The following PCID2 variants were observed in gnomAD, a reference collection of about 807,000 sequenced individuals.
PCID2 encodes PCI domain containing 2.
PCID2 carries 41 observed loss-of-function variants against 61.3 expected under a neutral mutation model. The ratio of observed to expected loss-of-function variants is 0.67; its 90% confidence interval spans 0.52 to 0.87. The LOEUF (loss-of-function observed/expected upper bound fraction) is 0.87, where lower values mean the gene tolerates loss of function less well. Among genes scored for constraint, PCID2 ranks in the 40% least tolerant of loss-of-function variants. The pLI is 0.00. For synonymous variants in PCID2, 187 were observed against 177.8 expected, an observed-to-expected ratio of 1.05 and a Z score of -0.41; for missense variants, 392 against 493.4, an observed-to-expected ratio of 0.79 and a Z score of 1.95.
At chr13:113,185,343 A>G (rs577575784) in intron 8 of PCID2, 142 bp downstream of exon 8, 12 of 644,644 alleles carry the variant, frequency 1.9e-5, no homozygotes, top group Non-Finnish European at 3.1e-5. Flanking sequence ...CATTCAACAA[A>G]TGTTTGCTAT....
rs1365797022 is a variant in PCID2, at chr13:113,177,651, T to C, written c.*547A>G. 6.6e-6 allele frequency: 1 copy of C among 152,220 alleles called. No individual in the cohort carries two copies. Among genetic ancestry groups the C allele is most frequent in the Non-Finnish European group, 1.5e-5 (1 of 68,062 alleles). 9.4% of individuals were successfully genotyped at this position (152,220 alleles called of 1,614,324 possible). On this transcript the variant is annotated 3_prime_UTR_variant, in exon 14 of 14. Coordinates refer to ENST00000337344, the MANE Select transcript of PCID2 (RefSeq NM_001127202.4). Reference sequence around the variant, plus strand: ...ATAAGTTTATTGGGATGTAACCCTATCATAAATTGAGGAGCATCCATACAG... The same window carrying C: ...ATAAGTTTATTGGGATGTAACCCTACCATAAATTGAGGAGCATCCATACAG...
chr13:113,184,476 G>C lies in PCID2; in HGVS notation c.555C>G (p.Leu185=). Reference sequence around the variant, plus strand: ...CTCTAATTAGGGGTTTACATAAATGGAGTTTGTTGATCTATAATGAATAAC... The same window carrying C: ...CTCTAATTAGGGGTTTACATAAATGCAGTTTGTTGATCTATAATGAATAAC... ...LFKIYFKINK[L]HLCKPLIRAI... Residue 185 remains leucine (L), a synonymous_variant, in exon 9 of 14, where the codon CTC becomes CTG. Coordinates refer to ENST00000337344, the MANE Select transcript of PCID2 (RefSeq NM_001127202.4). 6.3e-7 allele frequency: 1 copy of C among 1,581,732 alleles called. No individual in the cohort carries two copies. Among genetic ancestry groups the C allele is most frequent in the African/African-American group, 1.3e-5 (1 of 74,474 alleles).
rs751896602 is a variant in PCID2 at position 113,178,952 on chromosome 13, C to G, written c.1110+14G>C. 3.2e-5 allele frequency: 51 copies of G among 1,606,206 alleles called. No individual in the cohort carries two copies. The highest frequency in any genetic ancestry group is 4.2e-5 in the Non-Finnish European group (50 of 1,176,732). On this transcript the variant is annotated intron_variant, in intron 13 of 13. Transcript: ENST00000337344. The stretch of plus-strand genomic sequence containing the variant: ...TGTGAGTAGCTGCTTAAATTAAAAC[C>G]AGGACTCACACACCATGTATATCAA...
the PCID2 span, chr13:113,170,468 A>G: frequency 7.4e-6 from 12 of 1,611,550 alleles, no homozygotes; most frequent in Non-Finnish European, 1.0e-5. Flanking sequence ...ATAATACGGG[A>G]AAATTTTGTA....
At position 113,180,028 on chromosome 13, in the gene PCID2, A is replaced by T. The variant is rs1301608623; in HGVS notation, c.875T>A (p.Leu292Gln). The T allele has an allele frequency of 6.2e-7, 1 of 1,614,166 alleles. No homozygotes were observed. The highest frequency in any genetic ancestry group is 1.7e-5 in the Admixed American group (1 of 60,024). The change falls in exon 12 of 14, where the codon CTG becomes CAG. Residue 292 changes from leucine (L) to glutamine (Q), a missense_variant. By Grantham distance (113) the Leu-to-Gln change is moderately radical. Coordinates refer to ENST00000337344, the MANE Select transcript of PCID2 (RefSeq NM_001127202.4). ...CTTCGCCAGCGCCTCGTGCAGCAGC[A>T]GCAGGTTGCCCTCGCTGGTGAGGGG... ...VTRAVSEGNL[L>Q]LLHEALAKHE...
At chr13:113,195,175 T>A (rs373086367) in intron 5 of PCID2, 50 bp from the exon 6 acceptor site, 3 of 1,158,138 alleles carry the variant, frequency 2.6e-6, no homozygotes, top group Non-Finnish European at 3.9e-6. Context: ...GGGCCAAGAT[T>A]CCATCCCCAG....
downstream of PCID2, among the ~76,000 whole-genome samples, chr13:113,175,622 C>T (rs980604125): frequency 2.6e-5 from 4 of 152,160 alleles, no homozygotes; most frequent in African/African-American, 7.2e-5. Context: ...GAGTTTGCTC[C>T]GTGTCTGCCC....
downstream of PCID2, among the ~76,000 whole-genome samples, chr13:113,175,064 G>A (rs574480911): frequency 1.3e-5 from 2 of 152,330 alleles, no homozygotes; most frequent in South Asian, 4.1e-4. Flanking sequence ...GGTTTTAAAA[G>A]TGGCAGTTTT....
chr13:113,172,154 C>A, the PCID2 span: 3 of 1,599,464 alleles, frequency 1.9e-6, no homozygotes, highest in South Asian at 1.1e-5. Context: ...AGCGGGATTC[C>A]AAGCTGGCAC....
chr13:113,202,575 T>G (rs981614330), intron 1 of PCID2, among the ~76,000 whole-genome samples: 2 of 152,214 alleles, frequency 1.3e-5, no homozygotes, highest in African/African-American at 2.4e-5. Flanking sequence ...GGAATTTACA[T>G]GCAATAATTT....
chr13:113,200,653 T>C, intron 1 of PCID2, 137 bp from the exon 2 acceptor site: 1 of 580,450 alleles, frequency 1.7e-6, no homozygotes, highest in Non-Finnish European at 3.1e-6. Flanking sequence ...AATCAAAATG[T>C]AACAGATGGT....
At chr13:113,173,960 A>G (rs937201233), downstream of PCID2, among the ~76,000 whole-genome samples, 1 of 152,086 alleles carries the variant, frequency 6.6e-6, no homozygotes, top group Non-Finnish European at 1.5e-5. Context: ...CAGGCGCAGT[A>G]GCTCACGCCC....
chr13:113,208,243 C>T, intron 1 of PCID2: 1 of 1,449,456 alleles, frequency 6.9e-7, no homozygotes, highest in Non-Finnish European at 9.0e-7. Context: ...ACAGCACCGC[C>T]CACAGCGGGC....
downstream of PCID2, among the ~76,000 whole-genome samples, chr13:113,174,230 T>C (rs1351107035): frequency 6.9e-6 from 1 of 144,154 alleles, no homozygotes; most frequent in Non-Finnish European, 1.5e-5. Flanking sequence ...AGAGCGAGAC[T>C]CCATCTCAAA....
the PCID2 span, among the ~76,000 whole-genome samples, chr13:113,168,339 C>T: frequency 1.3e-5 from 2 of 152,278 alleles, no homozygotes; most frequent in South Asian, 2.1e-4. Flanking sequence ...ATCTGCTGTG[C>T]TGTGAGGCGT....
chr13:113,172,716 C>T (rs908054237), downstream of PCID2, among the ~76,000 whole-genome samples: 1 of 152,216 alleles, frequency 6.6e-6, no homozygotes, highest in Admixed American at 6.5e-5. Context: ...GTTGTGCACC[C>T]GCCCTTCTCT....
downstream of PCID2, among the ~76,000 whole-genome samples, chr13:113,175,061 A>C (rs149733922): frequency 9.1e-3 from 1,392 of 152,254 alleles, 64 homozygotes; most frequent in Admixed American, 0.064. Flanking sequence ...GATGGTTTTA[A>C]AAGTGGCAGT....
intron 5 of PCID2, 145 bp from the exon 6 acceptor site, chr13:113,195,270 C>A: frequency 1.5e-6 from 1 of 658,968 alleles, no homozygotes; most frequent in Non-Finnish European, 2.8e-6. Context: ...TCTGCTTCCT[C>A]ACCTTCTGTC....
chr13:113,208,571 C>A (rs2040133480), intron 1 of PCID2, 28 bp downstream of exon 1: 1 of 1,605,110 alleles, frequency 6.2e-7, no homozygotes. Flanking sequence ...CCAACCACGC[C>A]GCCGCGCGCT....
Sources: allele counts gnomAD v4.1 joint callset (sites outside exome capture counted in the v4.1 genomes callset), GRCh38; gene constraint gnomAD v4.1.1; transcripts MANE v1.5; gene names NCBI Gene and HGNC (gene_info 2026-07-23, HGNC 2026-07-21).